Variants in CADM2 observed in about 807,000 individuals in gnomAD.
The protein encoded by CADM2 is cell adhesion molecule 2.
A neutral mutation model predicts 49.8 loss-of-function variants in CADM2; 12 were observed. The observed-to-expected ratio is 0.24, with a 90% CI of 0.15 to 0.39. The LOEUF is 0.39. Ranked by LOEUF, CADM2 falls within the 10% of genes least tolerant of loss-of-function variation. The pLI is 1.00. For missense variants in CADM2, 378 were observed against 492.3 expected (o/e 0.77, Z 2.20); for synonymous variants, 214 against 175.4 (o/e 1.22, Z -1.74).
rs554999750 is a variant in CADM2, at chr3:85,056,002, G to A, written c.61+96334G>A. Among the ~76,000 whole-genome samples the A allele has an allele frequency of 4.5e-4, 69 of 152,026 alleles. No individual in the cohort carries two copies. In the South Asian group the frequency reaches 0.014, roughly 32 times the overall value. The stretch of plus-strand genomic sequence containing the variant: ...GTATTGTAACAAAAGGTCAGTTAAG[G>A]GCTCTTCATGTCTCTGTGAATATAA... On this transcript the variant is annotated intron_variant, in intron 1 of 9. Transcript: ENST00000383699.
rs1163827719 is a variant in CADM2, at chr3:85,487,642, G to GGAGGAGGACGAA, written c.62-238872_62-238871insCGAAGAGGAGGA. On this transcript the variant is annotated intron_variant, in intron 1 of 9. Transcript: ENST00000383699. ...AGGAAGTGGAGGAGGAGGACGAAGA[G>GGAGGAGGACGAA]GAGGAGGAGGAGGAGGAGAAGGAGA... Among the ~76,000 whole-genome samples, 24 of 76,426 alleles carry GGAGGAGGACGAA rather than the reference G, an allele frequency of 3.1e-4. No individual in the cohort carries two copies. The East Asian group carries it at 0.015, about 46-fold the overall frequency. The allele number at this position is 76,426 out of a possible 152,430, so 50.1% of individuals were successfully genotyped here.
chr3:85,136,816 T>C (rs1437271748), intron 1 of CADM2, among the ~76,000 whole-genome samples: 1 of 152,006 alleles, frequency 6.6e-6, no homozygotes, highest in African/African-American at 2.4e-5. Context: ...TAAGTACAAC[T>C]TTATAGGAAT....
At chr3:85,566,416 A>G (rs2062256845) in intron 1 of CADM2, among the ~76,000 whole-genome samples, 2 of 152,126 alleles carry the variant, frequency 1.3e-5, no homozygotes, top group South Asian at 4.1e-4. Flanking sequence ...CTCAGAGAAA[A>G]CAAGCAACCT....
intron 1 of CADM2, among the ~76,000 whole-genome samples, chr3:85,466,062 A>G (rs927152164): frequency 6.6e-6 from 1 of 152,184 alleles, no homozygotes; most frequent in Non-Finnish European, 1.5e-5. Flanking sequence ...ATGACTAGAT[A>G]TAATTCTAAA....
At chr3:85,375,260 T>C (rs908554695) in intron 1 of CADM2, among the ~76,000 whole-genome samples, 2 of 152,302 alleles carry the variant, frequency 1.3e-5, no homozygotes, top group Non-Finnish European at 2.9e-5. Context: ...TATATGATAA[T>C]AGAGTTAGGC....
At chr3:85,693,566 C>CAAGAAAAAAAAAAA in intron 1 of CADM2, among the ~76,000 whole-genome samples, 1 of 76,124 alleles carries the variant, frequency 1.3e-5, no homozygotes, top group Non-Finnish European at 2.4e-5. Flanking sequence ...GGCGAAAGAG[C>CAAGAAAAAAAAAAA]AAAAAAAAAA....
At chr3:85,715,817 C>T (rs1427484216) in intron 1 of CADM2, among the ~76,000 whole-genome samples, 1 of 152,144 alleles carries the variant, frequency 6.6e-6, no homozygotes, top group Non-Finnish European at 1.5e-5. Context: ...CATCCATATC[C>T]CTGCAAAGGA....
intron 2 of CADM2, among the ~76,000 whole-genome samples, chr3:85,730,876 G>C (rs1353392604): frequency 6.6e-6 from 1 of 152,086 alleles, no homozygotes; most frequent in African/African-American, 2.4e-5. Flanking sequence ...CCAGCTTTTA[G>C]ATATTATTTT....
chr3:85,191,134 A>C (rs2041197442), intron 1 of CADM2, among the ~76,000 whole-genome samples: 2 of 152,046 alleles, frequency 1.3e-5, no homozygotes, highest in African/African-American at 4.8e-5. Flanking sequence ...GCTAATAATT[A>C]TCTTTGGAAA....
At chr3:85,363,101 C>T (rs1046081161) in intron 1 of CADM2, among the ~76,000 whole-genome samples, 12 of 152,122 alleles carry the variant, frequency 7.9e-5, no homozygotes, top group Admixed American at 1.3e-4. Flanking sequence ...TTCATGGAAT[C>T]GCCGGGCTAC....
At chr3:85,173,581 A>G (rs1039846724) in intron 1 of CADM2, among the ~76,000 whole-genome samples, 3 of 152,194 alleles carry the variant, frequency 2.0e-5, no homozygotes, top group Non-Finnish European at 4.4e-5. Context: ...ACAATCCTAT[A>G]CACGTATACA....
chr3:85,309,075 T>C (rs1399435574), intron 1 of CADM2, among the ~76,000 whole-genome samples: 1 of 152,062 alleles, frequency 6.6e-6, no homozygotes, highest in Non-Finnish European at 1.5e-5. Flanking sequence ...CTATAACACT[T>C]CCTTTGTCAA....
At chr3:85,844,290 T>C (rs1490091728) in intron 3 of CADM2, among the ~76,000 whole-genome samples, 1 of 152,114 alleles carries the variant, frequency 6.6e-6, no homozygotes, top group Non-Finnish European at 1.5e-5. Flanking sequence ...AGTTTAGAGT[T>C]CTCTATATTT....
chr3:85,032,215 GTT>G (rs71105002), intron 1 of CADM2, among the ~76,000 whole-genome samples: 1 of 147,446 alleles, frequency 6.8e-6, no homozygotes. Flanking sequence ...CCAGTTACTG[GTT>G]TTTTTTTTTT....
intron 2 of CADM2, among the ~76,000 whole-genome samples, chr3:85,778,585 A>G (rs187878487): frequency 6.6e-6 from 1 of 152,242 alleles, no homozygotes; most frequent in Non-Finnish European, 1.5e-5. Flanking sequence ...TTTGCCTTCC[A>G]CCATGATTGT....
intron 1 of CADM2, among the ~76,000 whole-genome samples, chr3:85,184,290 C>G (rs975875223): frequency 6.6e-6 from 1 of 152,132 alleles, no homozygotes; most frequent in Non-Finnish European, 1.5e-5. Flanking sequence ...TTGCAAAGAA[C>G]TGCAGAAGTA....
chr3:85,748,192 A>G (rs2068696905), intron 2 of CADM2, among the ~76,000 whole-genome samples: 1 of 152,072 alleles, frequency 6.6e-6, no homozygotes, highest in Admixed American at 6.6e-5. Flanking sequence ...TCTCAGGAAC[A>G]TTCCTCTTCC....
At chr3:84,991,923 A>G (rs961772976) in intron 1 of CADM2, among the ~76,000 whole-genome samples, 5 of 152,212 alleles carry the variant, frequency 3.3e-5, no homozygotes, top group African/African-American at 7.2e-5. Context: ...CTTGAGTCCA[A>G]CTATATGATA....
At chr3:85,301,615 T>C (rs1401018215) in intron 1 of CADM2, among the ~76,000 whole-genome samples, 3 of 152,056 alleles carry the variant, frequency 2.0e-5, no homozygotes, top group Admixed American at 6.6e-5. Flanking sequence ...TGACTTCACA[T>C]GTGATGTTAT....
Sources: allele counts gnomAD v4.1 joint callset (sites outside exome capture counted in the v4.1 genomes callset), GRCh38; gene constraint gnomAD v4.1.1; transcripts MANE v1.5; gene names NCBI Gene and HGNC (gene_info 2026-07-23, HGNC 2026-07-21).